The following DPP6 variants were observed in gnomAD, a reference collection of about 807,000 sequenced individuals.
The protein encoded by DPP6 is A-type potassium channel modulatory protein DPP6.
In DPP6, 69 loss-of-function variants were observed where a neutral mutation model predicts 122.6. The observed-to-expected ratio is 0.56, with a 90% CI of 0.46 to 0.69. The LOEUF (loss-of-function observed/expected upper bound fraction) is 0.69. Ranked by LOEUF, DPP6 falls within the 30% of genes least tolerant of loss-of-function variation. The pLI is 0.00. For synonymous variants in DPP6, 418 were observed against 433.1 expected, an observed-to-expected ratio of 0.97 and a Z score of 0.43; for missense variants, 928 against 1,116.9, an observed-to-expected ratio of 0.83 and a Z score of 2.41.
At chr7:154,608,342 T>TATATATATATA (rs59731169) in intron 5 of DPP6, among the ~76,000 whole-genome samples, 30 of 127,390 alleles carry the variant, frequency 2.4e-4, no homozygotes, top group Middle Eastern at 3.8e-3. Flanking sequence ...TATATATATA[T>TATATATATATA]TTTGAGATGG....
chr7:154,779,120 ACCACTATCACCG>A (rs1796843699), intron 10 of DPP6, among the ~76,000 whole-genome samples: 1 of 56,966 alleles, frequency 1.8e-5, no homozygotes, highest in Non-Finnish European at 3.7e-5. Flanking sequence ...CACCATCACC[ACCACTATCACCG>A]CTATCACCAC....
chr7:154,786,905 G>T (rs906362590), intron 10 of DPP6, among the ~76,000 whole-genome samples: 1 of 152,142 alleles, frequency 6.6e-6, no homozygotes, highest in African/African-American at 2.4e-5. Flanking sequence ...GAGTCCCCAT[G>T]ATTCTCTCTG....
intron 1 of DPP6, among the ~76,000 whole-genome samples, chr7:154,008,286 G>C (rs552844663): frequency 9.8e-5 from 15 of 152,324 alleles, no homozygotes; most frequent in Admixed American, 3.3e-4. Flanking sequence ...CGCCAGGGCT[G>C]TGTGGTTGGG....
the DPP6 span, among the ~76,000 whole-genome samples, chr7:153,813,901 C>CAA: frequency 2.6e-5 from 4 of 152,024 alleles, no homozygotes; most frequent in African/African-American, 9.7e-5. Context: ...AATTTGAGTT[C>CAA]ATTGTAGATT....
chr7:154,632,924 C>T (rs185666383), intron 5 of DPP6, among the ~76,000 whole-genome samples: 5 of 152,190 alleles, frequency 3.3e-5, no homozygotes, highest in African/African-American at 1.2e-4. Context: ...AAATCCTCAA[C>T]TGCTTTCTAA....
chr7:153,852,478 C>T, the DPP6 span, among the ~76,000 whole-genome samples: 7 of 152,010 alleles, frequency 4.6e-5, no homozygotes, highest in Non-Finnish European at 8.8e-5. Context: ...AGAACTGACT[C>T]ACTATCACGA....
chr7:154,675,218 G>T (rs1838816238), intron 7 of DPP6, among the ~76,000 whole-genome samples: 1 of 152,080 alleles, frequency 6.6e-6, no homozygotes. Context: ...GGGGCGGGGG[G>T]CTAGGGGAGG....
chr7:154,448,698 A>G (rs181143147), intron 2 of DPP6, among the ~76,000 whole-genome samples: 73 of 152,346 alleles, frequency 4.8e-4, no homozygotes, highest in African/African-American at 1.7e-3. Flanking sequence ...TCAAAACAAT[A>G]TGGTACTAGG....
chr7:154,453,194 A>G (rs1218333965), intron 2 of DPP6, among the ~76,000 whole-genome samples: 3 of 152,224 alleles, frequency 2.0e-5, no homozygotes, highest in Middle Eastern at 6.8e-3. Context: ...ATTGGCTTTT[A>G]TGGAATCTCA....
At chr7:154,629,767 C>A (rs1772478744) in intron 5 of DPP6, among the ~76,000 whole-genome samples, 1 of 152,178 alleles carries the variant, frequency 6.6e-6, no homozygotes, top group African/African-American at 2.4e-5. Context: ...GGGGAGCTCA[C>A]CACCTCAGGG....
intron 4 of DPP6, among the ~76,000 whole-genome samples, chr7:154,547,568 C>T (rs1461764869): frequency 1.3e-5 from 2 of 152,146 alleles, no homozygotes; most frequent in Admixed American, 6.6e-5. Flanking sequence ...GTTTGAAACC[C>T]CTTTTAGTTC....
At chr7:154,267,861 ATG>A (rs1287314147) in intron 1 of DPP6, among the ~76,000 whole-genome samples, 1 of 110,660 alleles carries the variant, frequency 9.0e-6, no homozygotes, top group African/African-American at 3.5e-5. Flanking sequence ...ATACATATAT[ATG>A]TGTGTGTATA....
At chr7:154,826,588 A>C (rs550935562) in intron 16 of DPP6, among the ~76,000 whole-genome samples, 3 of 152,358 alleles carry the variant, frequency 2.0e-5, no homozygotes, top group Admixed American at 1.3e-4. Flanking sequence ...CTAGAGCTAC[A>C]AATCAAACAT....
At chr7:154,013,458 C>CCTT in intron 1 of DPP6, among the ~76,000 whole-genome samples, 1 of 127,336 alleles carries the variant, frequency 7.9e-6, no homozygotes, top group Non-Finnish European at 1.7e-5. Context: ...GGTTTCTTTT[C>CCTT]TTTTTTTTTT....
Position 154,762,288 on chromosome 7 carries a change from T to C in DPP6, c.884-7129T>C, listed in dbSNP as rs551756840. Among the ~76,000 whole-genome samples, 22 of 152,324 alleles carry C rather than the reference T, an allele frequency of 1.4e-4. No individual in the cohort carries two copies. In the East Asian group the frequency reaches 3.9e-3, roughly 27 times the overall value. ...CAAGGAGCAAAGAATCACCTCTTCT[T>C]TGGGGAGTCTCACGCCCTGGAAGTA... is the stretch of plus-strand genomic sequence containing the variant. On this transcript the variant is annotated intron_variant, in intron 8 of 25. Transcript: ENST00000377770.
chr7:153,931,019 C>A (rs1289575018), intron 1 of DPP6, among the ~76,000 whole-genome samples: 1 of 152,164 alleles, frequency 6.6e-6, no homozygotes, highest in Non-Finnish European at 1.5e-5. Flanking sequence ...TTTTGAACAG[C>A]AGCATTATTA....
intron 17 of DPP6, among the ~76,000 whole-genome samples, chr7:154,859,823 C>T (rs773935068): frequency 1.3e-5 from 2 of 152,192 alleles, no homozygotes. Flanking sequence ...GGCAGGCCCA[C>T]TTAGAGACGT....
intron 1 of DPP6, among the ~76,000 whole-genome samples, chr7:154,221,621 GT>G (rs1186233762): frequency 6.6e-6 from 1 of 152,160 alleles, no homozygotes; most frequent in East Asian, 1.9e-4. Context: ...CAGTGGCTTA[GT>G]TTTTTAACAA....
chr7:154,559,207 TA>T (rs1830244976), intron 4 of DPP6, among the ~76,000 whole-genome samples: 1 of 129,108 alleles, frequency 7.7e-6, no homozygotes, highest in African/African-American at 2.9e-5. Context: ...GACACCCAGA[TA>T]AAATTTCCAG....
Sources: allele counts gnomAD v4.1 joint callset (sites outside exome capture counted in the v4.1 genomes callset), GRCh38; gene constraint gnomAD v4.1.1; transcripts MANE v1.5; gene names NCBI Gene and HGNC (gene_info 2026-07-23, HGNC 2026-07-21).